SLCO6A1: variants seen among roughly 807,000 people sequenced by gnomAD.
SLCO6A1 encodes cancer/testis antigen 48.
A neutral mutation model predicts 72.7 loss-of-function variants in SLCO6A1; 65 were observed. The ratio of observed to expected loss-of-function variants is 0.89; its 90% CI spans 0.73 to 1.10. The LOEUF (loss-of-function observed/expected upper bound fraction) is 1.10, where lower values mean the gene tolerates loss of function less well. Ranked by LOEUF, SLCO6A1 falls within the 50% of genes least tolerant of loss-of-function variation. The probability of loss-of-function intolerance (pLI) is 0.00; values close to 1 mark genes in which losing one functional copy is unlikely to be tolerated. For missense variants in SLCO6A1, 874 were observed against 872.6 expected, an observed-to-expected ratio of 1.00 and a Z score of -0.02; for synonymous variants, 314 against 298.2, an observed-to-expected ratio of 1.05 and a Z score of -0.55.
chr5:102,381,258 C>T lies in SLCO6A1; in HGVS notation c.2017+7430G>A, dbSNP rs137988737. On this transcript the variant is annotated intron_variant, in intron 12 of 13. Transcript: ENST00000506729. ...CATTTCCATCACCAGCCCCTGTCAA[C>T]AACTATTCTATTCTCTGCTTCTGTT... Among the ~76,000 whole-genome samples, 25 of 151,834 alleles carry T rather than the reference C, an allele frequency of 1.6e-4. No individual in the cohort carries two copies. The East Asian group carries it at 4.8e-3, about 29-fold the overall frequency.
chr5:102,449,001 T>C (rs1457638547), intron 6 of SLCO6A1, among the ~76,000 whole-genome samples: 3 of 152,170 alleles, frequency 2.0e-5, no homozygotes, highest in African/African-American at 7.2e-5. Context: ...TGGTCAGTAA[T>C]GGTGTTTCAT....
intron 12 of SLCO6A1, among the ~76,000 whole-genome samples, chr5:102,385,826 C>CTTTTTTTTTTT (rs57983218): frequency 8.2e-6 from 1 of 121,214 alleles, no homozygotes. Flanking sequence ...CCTGTTTTTC[C>CTTTTTTTTTTT]TTTTTTTTTT....
chr5:102,491,896 C>T (rs778522627), intron 1 of SLCO6A1, among the ~76,000 whole-genome samples: 28 of 152,368 alleles, frequency 1.8e-4, no homozygotes, highest in African/African-American at 6.0e-4. Context: ...ACTGCCAGCA[C>T]GCTGTCACCT....
intron 1 of SLCO6A1, among the ~76,000 whole-genome samples, chr5:102,494,387 G>A (rs1490554882): frequency 1.3e-5 from 2 of 152,052 alleles, no homozygotes; most frequent in Non-Finnish European, 2.9e-5. Flanking sequence ...TTCTATGATA[G>A]AAGCCAAAAA....
chr5:102,429,400 T>A (rs1425010933), intron 7 of SLCO6A1, among the ~76,000 whole-genome samples: 1 of 152,202 alleles, frequency 6.6e-6, no homozygotes, highest in African/African-American at 2.4e-5. Flanking sequence ...CAGAATGGTA[T>A]TCCCTAGGTT....
intron 10 of SLCO6A1, 181 bp from the exon 11 acceptor site, chr5:102,391,226 C>T (rs544671174): frequency 1.7e-6 from 1 of 582,034 alleles, no homozygotes; most frequent in South Asian, 2.3e-5. Context: ...TTCTCCATAT[C>T]CTGCCCCTTG....
rs570954843 is a variant in SLCO6A1, at chr5:102,461,856, G to T, written c.900-2079C>A. Among the ~76,000 whole-genome samples, 4 of 152,164 alleles carry T rather than the reference G, an allele frequency of 2.6e-5. No individual in the cohort carries two copies. The South Asian group carries it at 8.3e-4, about 32-fold the overall frequency. On this transcript the variant is annotated intron_variant, in intron 4 of 13. Transcript: ENST00000506729. ...ATTTTAACAAGTTTATAGAGCATAA[G>T]AACTTCTTGTCCTAGCCAGAGCAAT...
At chr5:102,384,648 T>C (rs1357363685) in intron 12 of SLCO6A1, among the ~76,000 whole-genome samples, 7 of 152,156 alleles carry the variant, frequency 4.6e-5, no homozygotes, top group Non-Finnish European at 1.0e-4. Flanking sequence ...CTTCTCTTCA[T>C]CCCACATTTA....
chr5:102,391,154 T>A, intron 10 of SLCO6A1, 109 bp from the exon 11 acceptor site: 1 of 977,830 alleles, frequency 1.0e-6, no homozygotes, highest in Non-Finnish European at 1.6e-6. Flanking sequence ...TCAATTGTAC[T>A]AAGAATCTTT....
intron 12 of SLCO6A1, among the ~76,000 whole-genome samples, chr5:102,379,836 G>C (rs1746013956): frequency 6.7e-6 from 1 of 149,004 alleles, no homozygotes; most frequent in African/African-American, 2.5e-5. Context: ...GATTAATTTA[G>C]GATAAATGGC....
At chr5:102,372,988 A>G (rs1329319931) in intron 13 of SLCO6A1, among the ~76,000 whole-genome samples, 2 of 151,894 alleles carry the variant, frequency 1.3e-5, no homozygotes, top group Non-Finnish European at 2.9e-5. Context: ...TACTGCCCAA[A>G]TCAAAAGTAC....
intron 1 of SLCO6A1, among the ~76,000 whole-genome samples, chr5:102,481,705 C>T (rs1752203431): frequency 6.6e-6 from 1 of 152,158 alleles, no homozygotes; most frequent in South Asian, 2.1e-4. Flanking sequence ...ATGCTTCTGC[C>T]TAATGTATCA....
chr5:102,375,707 T>G lies in SLCO6A1; in HGVS notation c.2018-2213A>C, dbSNP rs141067193. Among the ~76,000 whole-genome samples, 1,313 of 152,090 alleles carry G rather than the reference T, an allele frequency of 8.6e-3. 15 individuals are homozygous for G. The highest frequency in any genetic ancestry group is 0.03 in the African/African-American group (1,238 of 41,488). The stretch of plus-strand genomic sequence containing the variant: ...ATGAAGAAATGAGAAATTTTCAGTA[T>G]AGAAATACAAACTACAAAATGAACT... On this transcript the variant is annotated intron_variant, in intron 12 of 13. Coordinates refer to ENST00000506729, the MANE Select transcript of SLCO6A1 (RefSeq NM_173488.5).
chr5:102,451,794 G>A (rs1304351223), intron 6 of SLCO6A1, among the ~76,000 whole-genome samples: 1 of 152,192 alleles, frequency 6.6e-6, no homozygotes, highest in Non-Finnish European at 1.5e-5. Context: ...GGACAGGCCA[G>A]TTGATAAGCT....
chr5:102,460,637 C>T (rs1292903272), intron 4 of SLCO6A1, among the ~76,000 whole-genome samples: 1 of 151,876 alleles, frequency 6.6e-6, no homozygotes, highest in African/African-American at 2.4e-5. Context: ...TTTAAGACCC[C>T]CTCCAAACAG....
chr5:102,414,708 A>G (rs548608236), intron 8 of SLCO6A1, among the ~76,000 whole-genome samples: 69 of 152,174 alleles, frequency 4.5e-4, no homozygotes, highest in African/African-American at 1.6e-3. Flanking sequence ...GGCCTGGGCA[A>G]CACAGTGAAA....
intron 10 of SLCO6A1, among the ~76,000 whole-genome samples, chr5:102,398,821 C>G (rs2112546592): frequency 6.6e-6 from 1 of 152,100 alleles, no homozygotes; most frequent in Non-Finnish European, 1.5e-5. Context: ...GTCTTGTCCC[C>G]CGCCTGCTTG....
chr5:102,408,324 CA>C (rs1393719743), intron 9 of SLCO6A1, among the ~76,000 whole-genome samples: 1 of 151,596 alleles, frequency 6.6e-6, no homozygotes, highest in African/African-American at 2.4e-5. Context: ...ATTATGGATG[CA>C]GGGGCTACTG....
At chr5:102,375,355 A>C (rs1008518047) in intron 12 of SLCO6A1, among the ~76,000 whole-genome samples, 2 of 152,162 alleles carry the variant, frequency 1.3e-5, no homozygotes, top group African/African-American at 4.8e-5. Context: ...TAAAGCTGCA[A>C]ACTAGCCACC....
Sources: gnomAD v4.1 joint callset for allele counts (sites outside exome capture counted in the v4.1 genomes callset) on GRCh38, gnomAD v4.1.1 for gene constraint, MANE v1.5 for transcripts, NCBI Gene and HGNC (gene_info 2026-07-23, HGNC 2026-07-21) for gene names.